TMEM63A: variants seen among roughly 807,000 people sequenced by gnomAD.
The protein encoded by TMEM63A is transmembrane protein 63A.
TMEM63A carries 76 observed loss-of-function variants against 100.6 expected under a neutral mutation model. The observed-to-expected ratio is 0.76, with a 90% CI of 0.63 to 0.91. The LOEUF (loss-of-function observed/expected upper bound fraction) is 0.91. TMEM63A is among the 40% of genes least tolerant of loss of function. TMEM63A has a pLI of 0.00. For synonymous variants in TMEM63A, 401 were observed against 401.1 expected (o/e 1.00, Z 0.00); for missense variants, 876 against 1,008.8 (o/e 0.87, Z 1.78).
chr1:225,858,962 G>A (rs1273468359), intron 15 of TMEM63A, among the ~76,000 whole-genome samples: 61 of 147,504 alleles, frequency 4.1e-4, no homozygotes, highest in African/African-American at 1.4e-3. Context: ...GTGTGTGTGT[G>A]TGTGTGTGTG....
In TMEM63A at chr1:225,877,701, C is replaced by T. The variant is rs998329539; in HGVS notation, c.-14-107G>A. ...AGGCAGGCGTTTCCCAGGGACTGAT[C>T]GGGCAGTGAGCCAGCAGCAAGGAGT... On this transcript the variant is annotated intron_variant, in intron 2 of 24. Transcript: ENST00000366835. 5 of 1,156,496 alleles carry T rather than the reference C, an allele frequency of 4.3e-6. 1 individual carries two copies. The highest frequency in any genetic ancestry group is 1.6e-5 in the African/African-American group (1 of 63,918). 71.6% of individuals were successfully genotyped at this position (1,156,496 alleles called of 1,614,324 possible). A position where few individuals can be genotyped will look rare whatever the true frequency, so the allele number is the denominator to read the frequency against.
At chr1:225,847,430 C>T in intron 23 of TMEM63A, 1 of 527,566 alleles carries the variant, frequency 1.9e-6, no homozygotes, top group South Asian at 3.0e-5. Flanking sequence ...ATACAGTTCT[C>T]ATGATCACAG....
intron 1 of TMEM63A, among the ~76,000 whole-genome samples, chr1:225,881,719 G>A (rs1404805433): frequency 2.6e-5 from 4 of 152,194 alleles, no homozygotes; most frequent in African/African-American, 9.6e-5. Context: ...CAGGGCCTCA[G>A]GTAGCTAGTC....
At chr1:225,857,674 T>C (rs1387285850) in intron 15 of TMEM63A, among the ~76,000 whole-genome samples, 2 of 152,140 alleles carry the variant, frequency 1.3e-5, no homozygotes, top group Non-Finnish European at 1.5e-5. Context: ...ATATGCGATC[T>C]AGGAAGTTTC....
intron 20 of TMEM63A, among the ~76,000 whole-genome samples, chr1:225,850,727 T>C (rs956187563): frequency 6.6e-6 from 1 of 152,088 alleles, no homozygotes; most frequent in African/African-American, 2.4e-5. Flanking sequence ...TGTCTGTCTG[T>C]TTTTTTGAGA....
downstream of TMEM63A, chr1:225,845,447 C>T: frequency 7.7e-7 from 1 of 1,305,012 alleles, no homozygotes; most frequent in Non-Finnish European, 1.1e-6. Flanking sequence ...TTGCCTCCGT[C>T]CCCTGCCCAT....
chr1:225,875,844 G>A (rs1559052119), intron 3 of TMEM63A, among the ~76,000 whole-genome samples: 1 of 151,366 alleles, frequency 6.6e-6, no homozygotes, highest in Non-Finnish European at 1.5e-5. Context: ...CTGGTGAATC[G>A]CTTGAGCTCA....
At chr1:225,872,105 A>G (rs768899588) in intron 4 of TMEM63A, 52 bp from the exon 5 acceptor site, 1 of 1,399,582 alleles carries the variant, frequency 7.1e-7, no homozygotes, top group South Asian at 1.3e-5. Context: ...AAAAAAAAAA[A>G]AGCCAAACAA....
chr1:225,840,565 T>C (rs1320611481), downstream of TMEM63A, among the ~76,000 whole-genome samples: 1 of 152,220 alleles, frequency 6.6e-6, no homozygotes, highest in Non-Finnish European at 1.5e-5. Flanking sequence ...ATAAGAACAC[T>C]GAAATTAATT....
rs1456612228 is a variant in TMEM63A at position 225,866,569 on chromosome 1, C to T, written c.675+5G>A. On this transcript the variant is annotated splice_donor_5th_base_variant and intron_variant, in intron 9 of 24. Coordinates refer to ENST00000366835, the MANE Select transcript of TMEM63A (RefSeq NM_014698.3). ...GCACATGTCCCTAAGTCCCGCCTCA[C>T]TCACCAGGTTCTCCTCTTTGTACTT... is the stretch of plus-strand genomic sequence containing the variant. The T allele has an allele frequency of 1.2e-6, 2 of 1,613,338 alleles. No individual in the cohort carries two copies. Among genetic ancestry groups the T allele is most frequent in the African/African-American group, 2.7e-5 (2 of 74,926 alleles).
downstream of TMEM63A, chr1:225,842,571 A>G (rs111346039): frequency 1.8e-4 from 162 of 897,386 alleles, no homozygotes; most frequent in African/African-American, 2.3e-3. Flanking sequence ...TGCATGGGGC[A>G]CTCAGCAAAT....
In TMEM63A at chr1:225,852,753, T is replaced by C; in HGVS notation, c.1814A>G (p.Tyr605Cys). 6.2e-7 allele frequency: 1 copy of C among 1,614,068 alleles called. No homozygotes were observed. Among genetic ancestry groups the C allele is most frequent in the Non-Finnish European group, 8.5e-7 (1 of 1,180,012 alleles). The change falls in exon 20 of 25, where the codon TAC (tyrosine) becomes TGC (cysteine). Residue 605 changes from tyrosine to cysteine, a missense_variant. Physicochemically the swap from Tyr to Cys is radical, Grantham distance 194 (BLOSUM62 -2). Around this residue, in one of 5 missense-constraint regions of TMEM63A, gnomAD observed 339 missense variants for 342.3 expected, o/e 0.99. Coordinates refer to ENST00000366835, the MANE Select transcript of TMEM63A (RefSeq NM_014698.3). ...RNVKQNQAFQ[Y>C]EFGAMYAWML... ...CCATGCATACATGGCTCCAAACTCG[T>C]ACTGGAAGGCCTGGTTCTGGGAGGA... is the stretch of plus-strand genomic sequence containing the variant.
chr1:225,876,938 C>T (rs1670834645), intron 3 of TMEM63A, among the ~76,000 whole-genome samples: 1 of 152,116 alleles, frequency 6.6e-6, no homozygotes, highest in African/African-American at 2.4e-5. Context: ...CATGAGCCAC[C>T]GTACCTGGCC....
At position 225,877,427 on chromosome 1, in the gene TMEM63A, TG is replaced by T; in HGVS notation, c.153del (p.Thr52LeufsTer5). The T allele has an allele frequency of 6.2e-7, 1 of 1,614,140 alleles. No homozygotes were observed. The highest frequency in any genetic ancestry group is 8.5e-7 in the Non-Finnish European group (1 of 1,180,022). ...VLQGVTFGGI[P>X]TVLLIDVSCF... Reference sequence around the variant, plus strand: ...CAGCTGACGTCTATGAGCAGGACAGTGGGGATGCCACCAAAGGTGACCCCCT... The same window carrying T: ...CAGCTGACGTCTATGAGCAGGACAGTGGGATGCCACCAAAGGTGACCCCCT... On this transcript the variant is annotated frameshift_variant, in exon 3 of 25. Coordinates refer to ENST00000366835, the MANE Select transcript of TMEM63A (RefSeq NM_014698.3). LOFTEE classifies it high-confidence loss of function.
rs1668968583 is a variant in TMEM63A, at chr1:225,846,113, G to C, written c.*826C>G. On this transcript the variant is annotated 3_prime_UTR_variant, in exon 25 of 25. Transcript: ENST00000366835. ...AGCTCAAGGGCAGTGGGATGGCCCT[G>C]CACCCAGCCCAGGTACCCCTTCCTC... 6.5e-6 allele frequency: 1 copy of C among 154,254 alleles called. No individual in the cohort carries two copies. The highest frequency in any genetic ancestry group is 6.4e-5 in the Admixed American group (1 of 15,562). The allele number at this position is 154,254 out of a possible 1,614,324, so 9.6% of individuals were successfully genotyped here.
Position 225,853,942 on chromosome 1 carries a change from CAAGCACCTTTCT to C in TMEM63A, c.1635-163_1635-152del, listed in dbSNP as rs1225395050. The C allele has an allele frequency of 3.4e-5, 26 of 762,978 alleles. No individual in the cohort carries two copies. In the East Asian group the frequency reaches 6.0e-4, roughly 18 times the overall value. 47.3% of individuals were successfully genotyped at this position (762,978 alleles called of 1,614,324 possible). The stretch of plus-strand genomic sequence containing the variant: ...ATATTTGGGAAACACATCTGTGTGC[CAAGCACCTTTCT>C]AGGCACTGAGAATAGAACAAAGCCC... On this transcript the variant is annotated intron_variant, in intron 18 of 24. Coordinates refer to ENST00000366835, the MANE Select transcript of TMEM63A (RefSeq NM_014698.3). This position sits in a 1 kb window ranked among gnomAD's most constrained non-coding sequence, Gnocchi z 4.0.
chr1:225,867,486 C>A lies in TMEM63A; in HGVS notation c.515-323G>T, dbSNP rs1670272382. 6.6e-6 allele frequency among the ~76,000 whole-genome samples: 1 copy of A among 152,186 alleles called. No homozygotes were observed. The highest frequency in any genetic ancestry group is 2.4e-5 in the African/African-American group (1 of 41,450). On this transcript the variant is annotated intron_variant, in intron 7 of 24. Transcript: ENST00000366835. The surrounding 1 kb of genome is among the most constrained non-coding windows in gnomAD (Gnocchi z 4.6). ...GGTATCCTAAGTGGATTCATGGTGG[C>A]ATTTTGGAAGGTGGATTCTTGCAGT...
Position 225,865,918 on chromosome 1 carries a change from T to G in TMEM63A, c.725A>C (p.Glu242Ala). The stretch of plus-strand genomic sequence containing the variant: ...TTACCGGAAGTGGCTCTCCACAGTC[T>G]CCTTCCTGGCATCTCTGGGGAGTCC... ...ITGLPRDARK[E>A]TVESHFRDAY... is the part of the protein sequence containing the mutation. Residue 242 changes from glutamate to alanine, a missense_variant, in exon 10 of 25, where the codon GAG becomes GCG. Around this residue, in one of 5 missense-constraint regions of TMEM63A, gnomAD observed 487 missense variants for 581.9 expected, o/e 0.84. Transcript: ENST00000366835. The surrounding 1 kb of genome is among the most constrained non-coding windows in gnomAD (Gnocchi z 4.6). 1 of 1,613,862 alleles carries G rather than the reference T, an allele frequency of 6.2e-7. No homozygotes were observed.
At position 225,867,621 on chromosome 1, in the gene TMEM63A, ACT is replaced by A. The variant is rs2102631031; in HGVS notation, c.514+265_514+266del. Among the ~76,000 whole-genome samples the A allele has an allele frequency of 6.6e-6, 1 of 151,764 alleles. No homozygotes were observed. The highest frequency in any genetic ancestry group is 1.9e-4 in the East Asian group (1 of 5,156). On this transcript the variant is annotated intron_variant, in intron 7 of 24. Transcript: ENST00000366835. This position sits in a 1 kb window ranked among gnomAD's most constrained non-coding sequence, Gnocchi z 4.6. ...GGGTGAGGGCAGGAAAGTATAAAAGACTCTCTGATAGCCCCTGATTCTGTAAA... is the reference window on the plus strand; with the variant it reads ...GGGTGAGGGCAGGAAAGTATAAAAGACTCTGATAGCCCCTGATTCTGTAAA...
Sources: allele counts gnomAD v4.1 joint callset (sites outside exome capture counted in the v4.1 genomes callset), GRCh38; gene constraint gnomAD v4.1.1; regional missense constraint gnomAD v4.1.1; non-coding constraint Gnocchi (gnomAD v3.1); transcripts MANE v1.5; gene names NCBI Gene and HGNC (gene_info 2026-07-23, HGNC 2026-07-21).